Variants in NALF1 observed in about 807,000 individuals in gnomAD.
NALF1 encodes the protein NALCN channel auxiliary factor 1.
A neutral mutation model predicts 48.4 loss-of-function variants in NALF1; 3 were observed. That is an observed-to-expected ratio of 0.06 (90% CI 0.03 to 0.16). NALF1 has a LOEUF of 0.16. Ranked by LOEUF, NALF1 falls within the 10% of genes least tolerant of loss-of-function variation. The pLI is 1.00. For missense variants in NALF1, 526 were observed against 571.5 expected (o/e 0.92, Z 0.81); for synonymous variants, 262 against 245.7 (o/e 1.07, Z -0.62).
intron 1 of NALF1, among the ~76,000 whole-genome samples, chr13:107,703,130 G>A (rs1299067805): frequency 6.6e-6 from 1 of 152,194 alleles, no homozygotes; most frequent in East Asian, 1.9e-4. Flanking sequence ...CTATTATGGT[G>A]TATGGGTGGA....
chr13:107,408,939 T>A (rs1002988538), intron 1 of NALF1, among the ~76,000 whole-genome samples: 1 of 152,194 alleles, frequency 6.6e-6, no homozygotes, highest in Non-Finnish European at 1.5e-5. Flanking sequence ...ACCAACTATT[T>A]ATAGAAAACC....
chr13:107,489,876 G>A lies in NALF1; in HGVS notation c.916-279121C>T, dbSNP rs182477144. 6.2e-4 allele frequency among the ~76,000 whole-genome samples: 94 copies of A among 151,996 alleles called. 1 individual carries two copies. Among genetic ancestry groups the A allele is most frequent in the Admixed American group, 1.6e-3 (25 of 15,256 alleles). ...GTCTAATATCCAGCATCTATAAGAA[G>A]CTTAAATAAATTTACAAGAAAAAAA... is the stretch of plus-strand genomic sequence containing the variant. On this transcript the variant is annotated intron_variant, in intron 1 of 2. Transcript: ENST00000375915.
At chr13:107,797,046 T>G (rs1432427650) in intron 1 of NALF1, among the ~76,000 whole-genome samples, 2 of 152,214 alleles carry the variant, frequency 1.3e-5, no homozygotes. Context: ...GAACCCCATG[T>G]TTGTTTCAAA....
intron 1 of NALF1, among the ~76,000 whole-genome samples, chr13:107,242,895 T>C (rs1258616984): frequency 6.6e-6 from 1 of 152,142 alleles, no homozygotes; most frequent in Non-Finnish European, 1.5e-5. Context: ...TTCTTCCCTG[T>C]CAACCATACC....
At chr13:107,789,085 T>C (rs1878156709) in intron 1 of NALF1, 1 of 152,020 alleles carries the variant, frequency 6.6e-6, no homozygotes, top group African/African-American at 2.4e-5. Context: ...CGGGTTGCCG[T>C]GGAGTGGATC....
At chr13:107,278,580 A>G (rs1283168783) in intron 1 of NALF1, among the ~76,000 whole-genome samples, 2 of 152,254 alleles carry the variant, frequency 1.3e-5, no homozygotes, top group Non-Finnish European at 2.9e-5. Flanking sequence ...AGCCTAGAGC[A>G]AAAACAAATG....
At chr13:107,596,305 G>A (rs1459857164) in intron 1 of NALF1, among the ~76,000 whole-genome samples, 1 of 152,118 alleles carries the variant, frequency 6.6e-6, no homozygotes, top group East Asian at 1.9e-4. Context: ...ATTTGGCCCA[G>A]CAATCCCATT....
chr13:107,596,594 T>G (rs2138421373), intron 1 of NALF1, among the ~76,000 whole-genome samples: 1 of 152,176 alleles, frequency 6.6e-6, no homozygotes, highest in Non-Finnish European at 1.5e-5. Flanking sequence ...CACTGCATGT[T>G]CTCACTCATA....
At chr13:107,607,269 T>A (rs1010050319) in intron 1 of NALF1, among the ~76,000 whole-genome samples, 1 of 152,206 alleles carries the variant, frequency 6.6e-6, no homozygotes, top group Non-Finnish European at 1.5e-5. Flanking sequence ...GGAATTTAAG[T>A]ACGCAGGTCT....
intron 1 of NALF1, among the ~76,000 whole-genome samples, chr13:107,516,710 A>G (rs1431009057): frequency 2.0e-5 from 3 of 152,206 alleles, no homozygotes; most frequent in African/African-American, 7.2e-5. Context: ...GTGCAATCAC[A>G]TTCCAGCTTT....
At chr13:107,832,959 G>C (rs1044195470) in intron 1 of NALF1, among the ~76,000 whole-genome samples, 5 of 152,166 alleles carry the variant, frequency 3.3e-5, no homozygotes, top group African/African-American at 1.2e-4. Flanking sequence ...GCGCCTGCTG[G>C]CATCTGTAGC....
chr13:107,311,995 A>G (rs1387721480), intron 1 of NALF1, among the ~76,000 whole-genome samples: 1 of 152,214 alleles, frequency 6.6e-6, no homozygotes, highest in Non-Finnish European at 1.5e-5. Context: ...TAGTTTAATC[A>G]TTGTGGAAGT....
chr13:107,855,774 T>C (rs190469085), intron 1 of NALF1, among the ~76,000 whole-genome samples: 13 of 152,358 alleles, frequency 8.5e-5, no homozygotes, highest in Non-Finnish European at 1.3e-4. Flanking sequence ...TTAACCTAAG[T>C]CTTAATTACC....
At chr13:107,786,694 T>G (rs1878084315) in intron 1 of NALF1, among the ~76,000 whole-genome samples, 1 of 151,872 alleles carries the variant, frequency 6.6e-6, no homozygotes, top group African/African-American at 2.4e-5. Flanking sequence ...ATCGCGCCAC[T>G]GCACTCCAGC....
At chr13:107,324,993 A>T (rs1290454829) in intron 1 of NALF1, among the ~76,000 whole-genome samples, 1 of 152,194 alleles carries the variant, frequency 6.6e-6, no homozygotes, top group Non-Finnish European at 1.5e-5. Flanking sequence ...TTACTGAAGA[A>T]ACTGAATCAA....
At chr13:107,379,833 A>G (rs999542053) in intron 1 of NALF1, among the ~76,000 whole-genome samples, 2 of 152,224 alleles carry the variant, frequency 1.3e-5, no homozygotes, top group African/African-American at 4.8e-5. Flanking sequence ...ATACACTTCC[A>G]TTCAGAGGGA....
intron 1 of NALF1, among the ~76,000 whole-genome samples, chr13:107,550,657 T>C (rs916447609): frequency 2.0e-5 from 3 of 152,150 alleles, no homozygotes; most frequent in Non-Finnish European, 4.4e-5. Flanking sequence ...TCAGTTATTC[T>C]TGTTTCAGAC....
intron 1 of NALF1, among the ~76,000 whole-genome samples, chr13:107,240,252 C>A (rs570869025): frequency 6.6e-6 from 1 of 152,228 alleles, no homozygotes; most frequent in South Asian, 2.1e-4. Context: ...ATGGACCAAT[C>A]CAAGGCCTCA....
intron 1 of NALF1, among the ~76,000 whole-genome samples, chr13:107,544,752 C>T (rs1254813312): frequency 6.6e-6 from 1 of 152,170 alleles, no homozygotes; most frequent in Non-Finnish European, 1.5e-5. Flanking sequence ...ACAGGACTTT[C>T]ATCCCTGCCT....
Sources: allele counts gnomAD v4.1 joint callset (sites outside exome capture counted in the v4.1 genomes callset), GRCh38; gene constraint gnomAD v4.1.1; transcripts MANE v1.5; gene names NCBI Gene and HGNC (gene_info 2026-07-23, HGNC 2026-07-21).